The following METTL4 variants were observed in gnomAD, a reference collection of about 807,000 sequenced individuals.
The protein encoded by METTL4 is methyltransferase 4, N6-adenosine, also known as N(6)-adenine-specific methyltransferase METTL4.
A neutral mutation model predicts 54.0 loss-of-function variants in METTL4; 40 were observed. That is an observed-to-expected ratio of 0.74 (90% CI 0.58 to 0.96). The LOEUF (loss-of-function observed/expected upper bound fraction) is 0.96. Ranked by LOEUF, METTL4 falls within the 50% of genes least tolerant of loss-of-function variation. The pLI is 0.00. For missense variants in METTL4, 525 were observed against 549.0 expected (o/e 0.96, Z 0.44); for synonymous variants, 169 against 183.8 (o/e 0.92, Z 0.65).
rs1324706821 is a variant in METTL4 at position 2,538,094 on chromosome 18, TAAATC to T, written c.*901_*905del. The T allele has an allele frequency of 2.5e-6, 1 of 395,646 alleles. No homozygotes were observed. The highest frequency in any genetic ancestry group is 4.4e-6 in the Non-Finnish European group (1 of 224,788). The allele number at this position is 395,646 out of a possible 1,614,324, so 24.5% of individuals were successfully genotyped here. A position where few individuals can be genotyped will look rare whatever the true frequency, so the allele number is the denominator to read the frequency against. The stretch of plus-strand genomic sequence containing the variant: ...CAATTTTTAAAAAGTCAATACATAA[TAAATC>T]AATATGCATTTCAAAGAATCATTTC... On this transcript the variant is annotated 3_prime_UTR_variant, in exon 9 of 9. Transcript: ENST00000574538.
rs372914978 is a variant in METTL4 at position 2,554,988 on chromosome 18, G to C, written c.510C>G (p.Leu170=). 1.2e-4 allele frequency: 187 copies of C among 1,613,842 alleles called. No homozygotes were observed. Among genetic ancestry groups the C allele is most frequent in the Non-Finnish European group, 1.4e-4 (169 of 1,179,896 alleles). The change falls in exon 4 of 9, where the codon CTC becomes CTG. Residue 170 remains leucine, a synonymous_variant. Coordinates refer to ENST00000574538, the MANE Select transcript of METTL4 (RefSeq NM_022840.5). ...AAAGTGGATAAAGAAAACCACTTTTGAGACCTTCCTGGATCAACTGTAAAG... is the reference window on the plus strand; with the variant it reads ...AAAGTGGATAAAGAAAACCACTTTTCAGACCTTCCTGGATCAACTGTAAAG... The part of the protein sequence containing the change: ...DGSLQLIQEG[L]KSGFLYPLFE...
At chr18:2,557,946 G>C (rs2072262551) in intron 3 of METTL4, among the ~76,000 whole-genome samples, 1 of 152,044 alleles carries the variant, frequency 6.6e-6, no homozygotes, top group Non-Finnish European at 1.5e-5. Flanking sequence ...ATCAGTATAG[G>C]GGCATAATTA....
chr18:2,552,284 C>T (rs1022514004), intron 5 of METTL4, among the ~76,000 whole-genome samples: 3 of 152,042 alleles, frequency 2.0e-5, no homozygotes, highest in Non-Finnish European at 4.4e-5. Context: ...AATAACTTAT[C>T]GCCCTAAGAA....
At chr18:2,543,558 C>G (rs1000731906) in intron 8 of METTL4, among the ~76,000 whole-genome samples, 1 of 152,096 alleles carries the variant, frequency 6.6e-6, no homozygotes, top group African/African-American at 2.4e-5. Context: ...GACTTTGATA[C>G]AGAAAAATAT....
At chr18:2,560,188 G>A (rs143620609) in intron 3 of METTL4, among the ~76,000 whole-genome samples, 107 of 152,176 alleles carry the variant, frequency 7.0e-4, no homozygotes, top group Middle Eastern at 6.8e-3. Context: ...ACATCGGAAC[G>A]TACATGATGT....
In METTL4 at chr18:2,563,838, AAAC is replaced by A. The variant is rs2072360297; in HGVS notation, c.415_417del (p.Val139del). On this transcript the variant is annotated inframe_deletion, in exon 3 of 9. Coordinates refer to ENST00000574538, the MANE Select transcript of METTL4 (RefSeq NM_022840.5). Reference sequence around the variant, plus strand: ...ATAGCATCCAATTCACCTTGATTGAAAACAACACATCTTTTACGCTTCTAAAGG... The same window carrying A: ...ATAGCATCCAATTCACCTTGATTGAAAACACATCTTTTACGCTTCTAAAGG... 1 of 1,609,774 alleles carries A rather than the reference AAAC, an allele frequency of 6.2e-7. No individual in the cohort carries two copies. Among genetic ancestry groups the A allele is most frequent in the African/African-American group, 1.3e-5 (1 of 74,806 alleles).
intron 5 of METTL4, among the ~76,000 whole-genome samples, chr18:2,551,008 CA>C (rs796450022): frequency 6.6e-6 from 1 of 150,956 alleles, no homozygotes; most frequent in Admixed American, 6.6e-5. Flanking sequence ...ACTAAAAATA[CA>C]AAAAATTAGC....
chr18:2,541,835 G>A (rs1345942754), intron 8 of METTL4, among the ~76,000 whole-genome samples: 1 of 151,848 alleles, frequency 6.6e-6, no homozygotes, highest in Non-Finnish European at 1.5e-5. Flanking sequence ...ATATTTAAAT[G>A]TAAAAGCTGT....
chr18:2,552,241 T>A (rs895685089), intron 5 of METTL4, among the ~76,000 whole-genome samples: 5 of 148,106 alleles, frequency 3.4e-5, no homozygotes, highest in African/African-American at 1.0e-4. Context: ...AAAAAATTGT[T>A]TAATGCTATT....
intron 2 of METTL4, among the ~76,000 whole-genome samples, chr18:2,566,143 A>G (rs2072415415): frequency 6.6e-6 from 1 of 151,714 alleles, no homozygotes; most frequent in Admixed American, 6.6e-5. Flanking sequence ...GATATCAGAT[A>G]TCTAAAATGG....
At position 2,571,282 on chromosome 18, in the gene METTL4, C is replaced by T. The variant is rs3817345; in HGVS notation, c.-572G>A. The T allele has an allele frequency of 0.78, 118,633 of 152,312 alleles. 46,384 individuals carry two copies. Among genetic ancestry groups the T allele is most frequent in the East Asian group, 0.87 (4,497 of 5,192 alleles). The allele number at this position is 152,312 out of a possible 1,614,324, so 9.4% of individuals were successfully genotyped here. ...AAAGCTTTCTCCTTTTCTAAGAGTCCATGGGCGCCGCCATGTTGCTGTACG... is the reference window on the plus strand; with the variant it reads ...AAAGCTTTCTCCTTTTCTAAGAGTCTATGGGCGCCGCCATGTTGCTGTACG... On this transcript the variant is annotated 5_prime_UTR_variant, in exon 1 of 9. It removes an upstream start codon present in the reference 5' UTR. Transcript: ENST00000574538.
chr18:2,539,804 C>T, intron 8 of METTL4: 1 of 948,902 alleles, frequency 1.1e-6, no homozygotes, highest in Non-Finnish European at 1.2e-6. Flanking sequence ...ATAAATATAA[C>T]CCATACATGA....
At chr18:2,566,640 G>A (rs922538643) in intron 2 of METTL4, 181 bp downstream of exon 2, 7 of 365,570 alleles carry the variant, frequency 1.9e-5, no homozygotes, top group African/African-American at 1.1e-4. Flanking sequence ...ATGCAATTTG[G>A]TCTTCTAAGA....
At chr18:2,548,265 A>AC (rs1295609966) in intron 5 of METTL4, among the ~76,000 whole-genome samples, 1 of 152,160 alleles carries the variant, frequency 6.6e-6, no homozygotes, top group Non-Finnish European at 1.5e-5. Flanking sequence ...TACAATACTC[A>AC]ATCAAATGAA....
chr18:2,550,501 C>A (rs1263004530), intron 5 of METTL4, among the ~76,000 whole-genome samples: 1 of 152,130 alleles, frequency 6.6e-6, no homozygotes, highest in Non-Finnish European at 1.5e-5. Context: ...CTTCTAGGTA[C>A]ACATCCAAGA....
intron 3 of METTL4, among the ~76,000 whole-genome samples, chr18:2,557,183 A>C (rs2072251283): frequency 6.6e-6 from 1 of 152,176 alleles, no homozygotes; most frequent in African/African-American, 2.4e-5. Flanking sequence ...TCAGAGAGGA[A>C]AGGGCTCCAC....
chr18:2,543,228 A>G (rs536632116), intron 8 of METTL4, among the ~76,000 whole-genome samples: 2 of 152,178 alleles, frequency 1.3e-5, no homozygotes, highest in South Asian at 4.1e-4. Flanking sequence ...CACTTTCTCC[A>G]TTTCCCAGGT....
chr18:2,564,996 G>T (rs920762628), intron 2 of METTL4, among the ~76,000 whole-genome samples: 3 of 152,046 alleles, frequency 2.0e-5, no homozygotes, highest in Non-Finnish European at 4.4e-5. Flanking sequence ...TTTGATGAAA[G>T]GAAAAAGGGG....
At chr18:2,546,750 T>C (rs1018693366) in intron 6 of METTL4, among the ~76,000 whole-genome samples, 1 of 152,192 alleles carries the variant, frequency 6.6e-6, no homozygotes, top group Non-Finnish European at 1.5e-5. Context: ...TTTTTGGTAA[T>C]CTTGTAGCAT....
Sources: allele counts gnomAD v4.1 joint callset (sites outside exome capture counted in the v4.1 genomes callset), GRCh38; gene constraint gnomAD v4.1.1; transcripts MANE v1.5; gene names NCBI Gene and HGNC (gene_info 2026-07-23, HGNC 2026-07-21).